Variants in SORL1 observed in about 807,000 individuals in gnomAD.
The protein encoded by SORL1 is sortilin related receptor 1.
A neutral mutation model predicts 273.7 loss-of-function variants in SORL1; 127 were observed. That is an observed-to-expected ratio of 0.46 (90% confidence interval 0.40 to 0.54). The LOEUF (loss-of-function observed/expected upper bound fraction) is 0.54. SORL1 is among the 20% of genes least tolerant of loss of function. The pLI, the probability that SORL1 is intolerant of heterozygous loss-of-function variation, is 0.00. For missense variants in SORL1, 2,494 were observed against 2,846.1 expected, an observed-to-expected ratio of 0.88 and a Z score of 2.81; for synonymous variants, 1,031 against 1,067.4, an observed-to-expected ratio of 0.97 and a Z score of 0.66.
intron 16 of SORL1, among the ~76,000 whole-genome samples, chr11:121,551,183 T>C (rs957073891): frequency 3.3e-5 from 5 of 152,246 alleles, no homozygotes; most frequent in Non-Finnish European, 4.4e-5. Context: ...AATTTTGTTT[T>C]TTACTTTTTC....
At chr11:121,616,286 C>T (rs184195349) in intron 41 of SORL1, among the ~76,000 whole-genome samples, 10 of 152,296 alleles carry the variant, frequency 6.6e-5, no homozygotes, top group Admixed American at 5.2e-4. Flanking sequence ...ATGCACTGGT[C>T]ACACTAAAGG....
At position 121,543,734 on chromosome 11, in the gene SORL1, G is replaced by A. The variant is rs117835662; in HGVS notation, c.1864+8G>A. 8 of 1,609,752 alleles carry A rather than the reference G, an allele frequency of 5.0e-6. No individual in the cohort carries two copies. Among genetic ancestry groups the A allele is most frequent in the Non-Finnish European group, 6.8e-6 (8 of 1,178,366 alleles). The stretch of plus-strand genomic sequence containing the variant: ...ATGCCACGGATGCCTTGGGTAAGCT[G>A]CTGCCTCCTTGGACCTTTTCACATG... On this transcript the variant is annotated splice_region_variant and intron_variant, in intron 13 of 47. Coordinates refer to ENST00000260197, the MANE Select transcript of SORL1 (RefSeq NM_003105.6).
chr11:121,507,660 G>A (rs765377821), intron 6 of SORL1, among the ~76,000 whole-genome samples: 27 of 151,726 alleles, frequency 1.8e-4, no homozygotes, highest in Non-Finnish European at 3.7e-4. Context: ...ATTTGATGAG[G>A]CATTGTTCTC....
At chr11:121,553,830 G>A in intron 16 of SORL1, 107 bp from the exon 17 acceptor site, 1 of 1,070,884 alleles carries the variant, frequency 9.3e-7, no homozygotes, top group Non-Finnish European at 1.4e-6. Context: ...CACACCACAT[G>A]CCAATGAATT....
At chr11:121,492,579 T>C (rs1461546264) in intron 5 of SORL1, among the ~76,000 whole-genome samples, 1 of 152,202 alleles carries the variant, frequency 6.6e-6, no homozygotes, top group Non-Finnish European at 1.5e-5. Context: ...AGGACTTTTG[T>C]AAGTTTTGTG....
intron 5 of SORL1, among the ~76,000 whole-genome samples, chr11:121,493,883 A>G (rs1861592017): frequency 6.6e-6 from 1 of 152,176 alleles, no homozygotes; most frequent in Non-Finnish European, 1.5e-5. Flanking sequence ...ACAGCTGACC[A>G]TCATCAGACA....
At chr11:121,602,395 ATTC>A (rs924503317) in intron 32 of SORL1, among the ~76,000 whole-genome samples, 4 of 152,220 alleles carry the variant, frequency 2.6e-5, no homozygotes, top group African/African-American at 9.6e-5. Flanking sequence ...AGAAGTCTTA[ATTC>A]TTCTTTCTCA....
chr11:121,542,375 C>T (rs767430988), intron 12 of SORL1, among the ~76,000 whole-genome samples: 4 of 152,156 alleles, frequency 2.6e-5, no homozygotes, highest in Non-Finnish European at 4.4e-5. Flanking sequence ...TTAGTCATTG[C>T]ATTTGGCTTT....
chr11:121,596,888 G>A lies in SORL1; in HGVS notation c.4519+1116G>A, dbSNP rs1335196329. ...ACCAATGAAAAACTGAGCCTCACTT[G>A]GAATCCTACCAAGTCTTACCATTTA... On this transcript the variant is annotated intron_variant, in intron 32 of 47. Coordinates refer to ENST00000260197, the MANE Select transcript of SORL1 (RefSeq NM_003105.6). The surrounding 1 kb of genome is among the most constrained non-coding windows in gnomAD (Gnocchi z 4.3). 6.6e-6 allele frequency among the ~76,000 whole-genome samples: 1 copy of A among 151,946 alleles called. No individual in the cohort carries two copies. Among genetic ancestry groups the A allele is most frequent in the Non-Finnish European group, 1.5e-5 (1 of 68,010 alleles).
intron 38 of SORL1, chr11:121,610,767 G>A (rs1293210519): frequency 7.7e-6 from 2 of 259,592 alleles, no homozygotes; most frequent in African/African-American, 4.5e-5. Context: ...AATGATCCCT[G>A]TTCCTTTAAG....
At chr11:121,616,741 C>T (rs758726810) in intron 41 of SORL1, among the ~76,000 whole-genome samples, 4 of 152,344 alleles carry the variant, frequency 2.6e-5, no homozygotes, top group Non-Finnish European at 5.9e-5. Context: ...CATCTGTCAA[C>T]AAAAAGAGTC....
At chr11:121,472,550 C>T (rs746954156) in intron 2 of SORL1, among the ~76,000 whole-genome samples, 6 of 152,196 alleles carry the variant, frequency 3.9e-5, no homozygotes, top group Non-Finnish European at 8.8e-5. Flanking sequence ...AAAAGCCCCA[C>T]ATCCTGGGAT....
intron 6 of SORL1, among the ~76,000 whole-genome samples, chr11:121,497,840 A>G (rs1050671103): frequency 2.0e-5 from 3 of 152,130 alleles, no homozygotes; most frequent in African/African-American, 7.2e-5. Flanking sequence ...GGCCTTTGCT[A>G]ACTGGGAGGT....
intron 41 of SORL1, 56 bp downstream of exon 41, chr11:121,615,111 C>T (rs1257178558): frequency 1.8e-5 from 25 of 1,379,318 alleles, no homozygotes; most frequent in Middle Eastern, 2.6e-4. Context: ...CCTAATGCTA[C>T]GCCACCACAC....
intron 8 of SORL1, among the ~76,000 whole-genome samples, chr11:121,515,474 T>A (rs927959625): frequency 6.6e-6 from 1 of 151,964 alleles, no homozygotes; most frequent in Non-Finnish European, 1.5e-5. Flanking sequence ...GGAAGCACAG[T>A]GACTCTGAGG....
chr11:121,538,956 C>T (rs868827847), intron 12 of SORL1, among the ~76,000 whole-genome samples: 17 of 152,284 alleles, frequency 1.1e-4, no homozygotes, highest in South Asian at 4.1e-4. Context: ...GGATTACAGG[C>T]GTGAGCCTCT....
intron 20 of SORL1, 150 bp downstream of exon 20, chr11:121,558,987 T>A: frequency 2.0e-6 from 2 of 1,016,338 alleles, no homozygotes; most frequent in Non-Finnish European, 2.8e-6. Context: ...ATTTTCAGCC[T>A]ATGGAGGGAT....
At chr11:121,612,908 G>T in intron 40 of SORL1, 76 bp downstream of exon 40, 1 of 1,038,276 alleles carries the variant, frequency 9.6e-7, no homozygotes, top group South Asian at 1.3e-5. Flanking sequence ...TGTAGAGCTT[G>T]ACTGGGGGTG....
intron 35 of SORL1, 48 bp downstream of exon 35, chr11:121,605,619 G>C (rs776806652): frequency 1.4e-6 from 2 of 1,450,094 alleles, no homozygotes; most frequent in Non-Finnish European, 1.9e-6. Flanking sequence ...CCTCAGGTCG[G>C]GGTTTGTGAG....
Sources: gnomAD v4.1 joint callset for allele counts (sites outside exome capture counted in the v4.1 genomes callset) on GRCh38, gnomAD v4.1.1 for gene constraint, Gnocchi (gnomAD v3.1) non-coding constraint, MANE v1.5 for transcripts, NCBI Gene and HGNC (gene_info 2026-07-23, HGNC 2026-07-21) for gene names.